Variants in MAML3 observed in about 807,000 individuals in gnomAD.
MAML3 encodes the protein mastermind-like protein 3.
Under a neutral mutation model 101.9 loss-of-function variants are expected in MAML3, and 27 were observed. The ratio of observed to expected loss-of-function variants is 0.27; its 90% CI spans 0.20 to 0.37. MAML3 has a LOEUF of 0.37. Among genes scored for constraint, MAML3 ranks in the 10% least tolerant of loss-of-function variants. The probability of loss-of-function intolerance (pLI) is 1.00; values close to 1 mark genes in which losing one functional copy is unlikely to be tolerated. For missense variants in MAML3, 1,316 were observed against 1,444.9 expected (o/e 0.91, Z 1.45); for synonymous variants, 501 against 555.9 (o/e 0.90, Z 1.39).
At position 139,889,892 on chromosome 4, in the gene MAML3, G is replaced by A. The variant is rs773015338; in HGVS notation, c.1544C>T (p.Thr515Ile). 4 of 1,612,966 alleles carry A rather than the reference G, an allele frequency of 2.5e-6. No homozygotes were observed. Among genetic ancestry groups the A allele is most frequent in the Non-Finnish European group, 3.4e-6 (4 of 1,179,794 alleles). ...AGGTCCTAAGGGAGACCAATTTGAA[G>A]TCTGATTTGAGTGCTGTTGCTGCTG... ...QQQQQQHSNQ[T>I]SNWSPLGPPS... is the part of the protein sequence containing the mutation. Residue 515 changes from threonine (T) to isoleucine (I), a missense_variant, in exon 2 of 5, where the codon ACT (threonine) becomes ATT (isoleucine). Physicochemically the swap from Thr to Ile is moderately conservative, Grantham distance 89. Transcript: ENST00000509479.
intron 1 of MAML3, among the ~76,000 whole-genome samples, chr4:140,068,587 T>C (rs530090476): frequency 6.6e-6 from 1 of 152,210 alleles, no homozygotes; most frequent in African/African-American, 2.4e-5. Flanking sequence ...GAAACGAATA[T>C]GGATTTAAAT....
At chr4:139,935,099 C>T (rs1317040337) in intron 1 of MAML3, among the ~76,000 whole-genome samples, 2 of 152,042 alleles carry the variant, frequency 1.3e-5, no homozygotes, top group Non-Finnish European at 2.9e-5. Flanking sequence ...TTTTACTGCT[C>T]TCCCCCTACT....
rs184406399 is a variant in MAML3 at position 140,034,385 on chromosome 4, G to A, written c.468+118475C>T. ...CTTAATAAACCATTGAAGTTTTGATGTCCAATGTTCACACATACCTTGAAA... is the reference window on the plus strand; with the variant it reads ...CTTAATAAACCATTGAAGTTTTGATATCCAATGTTCACACATACCTTGAAA... On this transcript the variant is annotated intron_variant, in intron 1 of 4. Transcript: ENST00000509479. 2.4e-3 allele frequency among the ~76,000 whole-genome samples: 361 copies of A among 152,314 alleles called. 1 individual carries two copies. The highest frequency in any genetic ancestry group is 4.4e-3 in the Non-Finnish European group (299 of 68,030).
chr4:140,080,606 C>T (rs1400406366), intron 1 of MAML3, among the ~76,000 whole-genome samples: 1 of 151,974 alleles, frequency 6.6e-6, no homozygotes, highest in African/African-American at 2.4e-5. Context: ...TGCAGAGCAC[C>T]TCTAAAAAAC....
At chr4:140,045,459 T>C (rs1727167384) in intron 1 of MAML3, among the ~76,000 whole-genome samples, 1 of 151,128 alleles carries the variant, frequency 6.6e-6, no homozygotes, top group Admixed American at 6.6e-5. Flanking sequence ...TGTTTGTTTG[T>C]TTTTTTTAAT....
At chr4:139,747,681 A>G (rs1296734598) in intron 2 of MAML3, among the ~76,000 whole-genome samples, 2 of 147,494 alleles carry the variant, frequency 1.4e-5, no homozygotes, top group Admixed American at 1.4e-4. Flanking sequence ...GCAAGAGAGC[A>G]AGACTCCCTC....
chr4:140,013,788 T>G (rs1390708547), intron 1 of MAML3, among the ~76,000 whole-genome samples: 1 of 152,210 alleles, frequency 6.6e-6, no homozygotes, highest in African/African-American at 2.4e-5. Context: ...CAGTGTAAAT[T>G]CCTTCATTAC....
rs1403736104 is a variant in MAML3, at chr4:139,889,875, A to T, written c.1561T>A (p.Leu521Ile). 1 of 1,613,346 alleles carries T rather than the reference A, an allele frequency of 6.2e-7. No individual in the cohort carries two copies. Among genetic ancestry groups the T allele is most frequent in the Non-Finnish European group, 8.5e-7 (1 of 1,179,838 alleles). ...HSNQTSNWSPLGPPSSPYGAA... is the reference protein window; with the variant it reads ...HSNQTSNWSPIGPPSSPYGAA... Reference sequence around the variant, plus strand: ...CCATATGGACTAGAGGGAGGTCCTAAGGGAGACCAATTTGAAGTCTGATTT... The same window carrying T: ...CCATATGGACTAGAGGGAGGTCCTATGGGAGACCAATTTGAAGTCTGATTT... Residue 521 changes from leucine (L) to isoleucine (I), a missense_variant, in exon 2 of 5, where the codon TTA becomes ATA. Physicochemically the swap from Leu to Ile is conservative, Grantham distance 5. Coordinates refer to ENST00000509479, the MANE Select transcript of MAML3 (RefSeq NM_018717.5).
intron 2 of MAML3, chr4:139,889,109 G>T: frequency 4.1e-6 from 3 of 737,316 alleles, no homozygotes; most frequent in Non-Finnish European, 7.2e-6. Flanking sequence ...CTTATCTGCA[G>T]TTGGGAATAA....
At chr4:139,926,162 C>T (rs540451000) in intron 1 of MAML3, among the ~76,000 whole-genome samples, 22 of 152,164 alleles carry the variant, frequency 1.4e-4, no homozygotes, top group Non-Finnish European at 2.8e-4. Context: ...ATTTTGCTCA[C>T]GCTGTCAGAC....
intron 1 of MAML3, among the ~76,000 whole-genome samples, chr4:140,131,751 T>A (rs967979413): frequency 2.6e-5 from 4 of 152,204 alleles, no homozygotes; most frequent in Admixed American, 6.5e-5. Flanking sequence ...TGGTATGTGA[T>A]GTTGGCAGCA....
chr4:139,931,943 T>G (rs1318118380), intron 1 of MAML3, among the ~76,000 whole-genome samples: 4 of 151,860 alleles, frequency 2.6e-5, no homozygotes, highest in African/African-American at 9.7e-5. Flanking sequence ...TGCTTGAACC[T>G]GGGAGGCGGA....
At chr4:139,952,309 T>G (rs1025317043) in intron 1 of MAML3, among the ~76,000 whole-genome samples, 1 of 152,110 alleles carries the variant, frequency 6.6e-6, no homozygotes, top group African/African-American at 2.4e-5. Context: ...TTCGAGGTGG[T>G]TCAATGTATG....
chr4:139,860,782 AC>A (rs1731764473), intron 2 of MAML3, among the ~76,000 whole-genome samples: 1 of 152,046 alleles, frequency 6.6e-6, no homozygotes, highest in South Asian at 2.1e-4. Context: ...CTCAGTAAAA[AC>A]ACTGAGTTTG....
At chr4:139,999,645 G>A (rs1443566811) in intron 1 of MAML3, among the ~76,000 whole-genome samples, 1 of 152,188 alleles carries the variant, frequency 6.6e-6, no homozygotes, top group African/African-American at 2.4e-5. Context: ...ATACTACAGA[G>A]AGGCTTGGCA....
rs185604320 is a variant in MAML3, at chr4:140,079,893, A to G, written c.468+72967T>C. ...TGTCTCAGACTGACCTGTAAAATGT[A>G]TGTACTCATAGAAGGTGTAATTCAC... On this transcript the variant is annotated intron_variant, in intron 1 of 4. Transcript: ENST00000509479. Among the ~76,000 whole-genome samples, 197 of 152,356 alleles carry G rather than the reference A, an allele frequency of 1.3e-3. No individual in the cohort carries two copies. The Middle Eastern group carries it at 0.014, about 11-fold the overall frequency.
At chr4:139,920,779 C>G (rs1733116870) in intron 1 of MAML3, among the ~76,000 whole-genome samples, 1 of 152,156 alleles carries the variant, frequency 6.6e-6, no homozygotes, top group South Asian at 2.1e-4. Context: ...GGCCCCAGTC[C>G]CGGCACTGGA....
At chr4:139,776,279 T>C (rs964947658) in intron 2 of MAML3, among the ~76,000 whole-genome samples, 4 of 152,204 alleles carry the variant, frequency 2.6e-5, no homozygotes, top group Non-Finnish European at 2.9e-5. Context: ...GGAAGAGCCG[T>C]AACATGCTGA....
At position 139,749,003 on chromosome 4, in the gene MAML3, G is replaced by A. The variant is rs571234114; in HGVS notation, c.2080-18336C>T. On this transcript the variant is annotated intron_variant, in intron 2 of 4. Coordinates refer to ENST00000509479, the MANE Select transcript of MAML3 (RefSeq NM_018717.5). ...CTGCACACGTCCTTGAAGTTCCAGA[G>A]GGCACCTCTTCCTTCCCATCTGGCC... Among the ~76,000 whole-genome samples the A allele has an allele frequency of 2.6e-5, 4 of 152,234 alleles. No homozygotes were observed. In the East Asian group the frequency reaches 7.7e-4, roughly 29 times the overall value.
Sources: allele counts gnomAD v4.1 joint callset (sites outside exome capture counted in the v4.1 genomes callset), GRCh38; gene constraint gnomAD v4.1.1; transcripts MANE v1.5; gene names NCBI Gene and HGNC (gene_info 2026-07-23, HGNC 2026-07-21).